DAB1: variants seen among roughly 807,000 people sequenced by gnomAD.
DAB1 encodes the protein disabled homolog 1.
DAB1 carries 15 observed loss-of-function variants against 64.6 expected under a neutral mutation model. That is an observed-to-expected ratio of 0.23 (90% CI 0.16 to 0.36). DAB1 has a LOEUF of 0.36. Ranked by LOEUF, DAB1 falls within the 10% of genes least tolerant of loss-of-function variation. The pLI, the probability that DAB1 is intolerant of heterozygous loss-of-function variation, is 1.00. For missense variants in DAB1, 596 were observed against 706.7 expected (o/e 0.84, Z 1.78); for synonymous variants, 235 against 251.9 (o/e 0.93, Z 0.64).
At chr1:57,349,996 G>A (rs1392694695) in intron 1 of DAB1, among the ~76,000 whole-genome samples, 1 of 152,086 alleles carries the variant, frequency 6.6e-6, no homozygotes, top group African/African-American at 2.4e-5. Flanking sequence ...GTAAAGCATT[G>A]CAATTGGCAC....
At chr1:58,451,661 A>G (rs1645137721) in intron 3 of DAB1, among the ~76,000 whole-genome samples, 2 of 152,248 alleles carry the variant, frequency 1.3e-5, no homozygotes, top group African/African-American at 4.8e-5. Flanking sequence ...ATAAAGGACA[A>G]GAAAAGACAT....
At chr1:57,534,042 A>G (rs769105152) in intron 7 of DAB1, among the ~76,000 whole-genome samples, 8 of 152,088 alleles carry the variant, frequency 5.3e-5, no homozygotes, top group Non-Finnish European at 1.2e-4. Flanking sequence ...TGCTTGATAT[A>G]TTATTTTGAG....
intron 4 of DAB1, among the ~76,000 whole-genome samples, chr1:57,115,259 G>C (rs1656007809): frequency 6.6e-6 from 1 of 152,174 alleles, no homozygotes; most frequent in African/African-American, 2.4e-5. Context: ...TTTGTATCCT[G>C]AACAAGTTAC....
intron 1 of DAB1, among the ~76,000 whole-genome samples, chr1:57,421,917 C>CGGGGGGGGGGGGGGG (rs200226853): frequency 1.5e-4 from 1 of 6,820 alleles, no homozygotes; most frequent in Non-Finnish European, 4.7e-4. Context: ...GGGGGGGTGG[C>CGGGGGGGGGGGGGGG]GGGGGGGGGT....
chr1:57,273,574 C>T (rs1309357434), intron 2 of DAB1, among the ~76,000 whole-genome samples: 1 of 65,048 alleles, frequency 1.5e-5, no homozygotes, highest in Non-Finnish European at 2.9e-5. Flanking sequence ...TTCCTTCCTT[C>T]CTTCCTTCCT....
Position 57,312,890 on chromosome 1 carries a change from C to T in DAB1, c.-136-21724G>A, listed in dbSNP as rs74417085. Among the ~76,000 whole-genome samples the T allele has an allele frequency of 7.2e-3, 1,096 of 152,220 alleles. 8 individuals carry two copies. The highest frequency in any genetic ancestry group is 0.024 in the African/African-American group (1,008 of 41,554). ...AGAGTTCCAGGGGGACGGTTCCACACTTGGCCTAATGGAACAGAGAGGGAC... is the reference window on the plus strand; with the variant it reads ...AGAGTTCCAGGGGGACGGTTCCACATTTGGCCTAATGGAACAGAGAGGGAC... On this transcript the variant is annotated intron_variant, in intron 1 of 14. Coordinates refer to ENST00000371236, the MANE Select transcript of DAB1 (RefSeq NM_001365792.1).
intron 4 of DAB1, among the ~76,000 whole-genome samples, chr1:58,243,934 T>C (rs1243390385): frequency 1.3e-5 from 2 of 151,278 alleles, no homozygotes; most frequent in Non-Finnish European, 1.5e-5. Flanking sequence ...GGGTTGACAA[T>C]GAAAAAAAAA....
chr1:58,030,828 A>C (rs1421591205), intron 5 of DAB1, among the ~76,000 whole-genome samples: 1 of 152,224 alleles, frequency 6.6e-6, no homozygotes, highest in Non-Finnish European at 1.5e-5. Flanking sequence ...AATCATTCAA[A>C]AATGTATGAA....
At chr1:57,132,602 G>A (rs1361196832) in intron 4 of DAB1, among the ~76,000 whole-genome samples, 1 of 152,140 alleles carries the variant, frequency 6.6e-6, no homozygotes, top group Non-Finnish European at 1.5e-5. Context: ...TTTGGATTTA[G>A]GATGCTCAGC....
chr1:58,459,801 A>C (rs1645225651), intron 3 of DAB1, among the ~76,000 whole-genome samples: 1 of 152,154 alleles, frequency 6.6e-6, no homozygotes, highest in African/African-American at 2.4e-5. Context: ...AACATGGCAA[A>C]ACCCCATCTC....
chr1:57,933,325 G>A (rs1046004192), intron 5 of DAB1, among the ~76,000 whole-genome samples: 5 of 152,232 alleles, frequency 3.3e-5, no homozygotes, highest in Admixed American at 6.5e-5. Flanking sequence ...GATATAAGAA[G>A]AGTTGCTGAT....
chr1:58,234,383 T>C (rs1376243658), intron 4 of DAB1, among the ~76,000 whole-genome samples: 1 of 151,996 alleles, frequency 6.6e-6, no homozygotes, highest in Non-Finnish European at 1.5e-5. Context: ...AGGGGAAAAA[T>C]GCAGGATGCT....
intron 3 of DAB1, among the ~76,000 whole-genome samples, chr1:58,384,438 C>G (rs186724148): frequency 6.6e-6 from 1 of 152,164 alleles, no homozygotes; most frequent in Non-Finnish European, 1.5e-5. Context: ...TACCAGGGAT[C>G]TGCTGTACAA....
At chr1:58,228,246 G>C (rs1458124145) in intron 4 of DAB1, among the ~76,000 whole-genome samples, 2 of 152,182 alleles carry the variant, frequency 1.3e-5, no homozygotes, top group Non-Finnish European at 2.9e-5. Flanking sequence ...AGTGGCCTTA[G>C]ATTATTTTTA....
chr1:58,209,240 A>G lies in DAB1; in HGVS notation n.310-58652T>C, dbSNP rs538101477. 7.2e-5 allele frequency among the ~76,000 whole-genome samples: 11 copies of G among 152,322 alleles called. No homozygotes were observed. The East Asian group carries it at 2.1e-3, about 29-fold the overall frequency. On this transcript the variant is annotated intron_variant and non_coding_transcript_variant, in intron 4 of 20. Transcript: ENST00000485760. ...ATAGGTTGGAGTTCTCCTAGTAGTTATAACCCACTAGAATCCAATGAGAGA... is the reference window on the plus strand; with the variant it reads ...ATAGGTTGGAGTTCTCCTAGTAGTTGTAACCCACTAGAATCCAATGAGAGA...
At chr1:57,303,998 C>T (rs1469072067) in intron 1 of DAB1, among the ~76,000 whole-genome samples, 2 of 152,152 alleles carry the variant, frequency 1.3e-5, no homozygotes, top group Non-Finnish European at 2.9e-5. Context: ...GTAACTATAC[C>T]TGTCATCGGA....
intron 2 of DAB1, among the ~76,000 whole-genome samples, chr1:57,158,133 C>CA (rs1453183170): frequency 6.6e-6 from 1 of 152,084 alleles, no homozygotes; most frequent in African/African-American, 2.4e-5. Context: ...TTACTAGGAC[C>CA]ATAGGAATAA....
intron 1 of DAB1, among the ~76,000 whole-genome samples, chr1:57,356,079 G>A: frequency 6.6e-6 from 1 of 151,962 alleles, no homozygotes; most frequent in Non-Finnish European, 1.5e-5. Flanking sequence ...TAAGCTCCAT[G>A]AAAGCAGAGA....
At chr1:58,346,691 A>G (rs1369604319) in intron 3 of DAB1, among the ~76,000 whole-genome samples, 5 of 152,268 alleles carry the variant, frequency 3.3e-5, no homozygotes, top group Non-Finnish European at 5.9e-5. Flanking sequence ...AGCTCATTAC[A>G]TTACAAATAA....
Sources: gnomAD v4.1 joint callset for allele counts (sites outside exome capture counted in the v4.1 genomes callset) on GRCh38, gnomAD v4.1.1 for gene constraint, MANE v1.5 for transcripts, NCBI Gene and HGNC (gene_info 2026-07-23, HGNC 2026-07-21) for gene names.